The following PDGFD variants were observed in gnomAD, a reference collection of about 807,000 sequenced individuals.
The protein encoded by PDGFD is platelet-derived growth factor D.
In PDGFD, 30 loss-of-function variants were observed where a neutral mutation model predicts 44.7. That is an observed-to-expected ratio of 0.67 (90% CI 0.50 to 0.91). PDGFD has a LOEUF of 0.91. PDGFD is among the 40% of genes least tolerant of loss of function. PDGFD has a pLI of 0.00. For synonymous variants in PDGFD, 173 were observed against 168.4 expected (o/e 1.03, Z -0.21); for missense variants, 445 against 457.8 (o/e 0.97, Z 0.25).
At chr11:103,954,947 G>T (rs1238264472) in intron 3 of PDGFD, among the ~76,000 whole-genome samples, 2 of 151,482 alleles carry the variant, frequency 1.3e-5, no homozygotes, top group Admixed American at 1.3e-4. Flanking sequence ...GGCGGATCAC[G>T]AGGTCAGGAG....
chr11:104,080,634 G>A lies in PDGFD; in HGVS notation c.125-80379C>T, dbSNP rs138405656. 1.6e-4 allele frequency among the ~76,000 whole-genome samples: 25 copies of A among 152,248 alleles called. No individual in the cohort carries two copies. The East Asian group carries it at 3.7e-3, about 22-fold the overall frequency. On this transcript the variant is annotated intron_variant, in intron 1 of 6. Transcript: ENST00000393158. The stretch of plus-strand genomic sequence containing the variant: ...GAGGAGCCACCATCCATTGTGTGCC[G>A]CCATCATGATCCTTGCTTACTTCTG...
intron 1 of PDGFD, among the ~76,000 whole-genome samples, chr11:104,134,328 A>G (rs1304948234): frequency 6.6e-6 from 1 of 152,182 alleles, no homozygotes; most frequent in East Asian, 1.9e-4. Context: ...GTCTCTAGAA[A>G]AGTACTTCCC....
At chr11:104,162,721 G>T (rs1219952975) in intron 1 of PDGFD, among the ~76,000 whole-genome samples, 1 of 152,078 alleles carries the variant, frequency 6.6e-6, no homozygotes, top group Non-Finnish European at 1.5e-5. Context: ...GACATACCAA[G>T]AAAGAAACTG....
intron 1 of PDGFD, chr11:104,037,387 G>C: frequency 1.9e-6 from 3 of 1,614,122 alleles, no homozygotes; most frequent in Non-Finnish European, 2.5e-6. Flanking sequence ...GCAGCAAAGG[G>C]AAAAGGCCTT....
At chr11:104,148,060 T>C (rs374253379) in intron 1 of PDGFD, among the ~76,000 whole-genome samples, 1 of 152,202 alleles carries the variant, frequency 6.6e-6, no homozygotes, top group Non-Finnish European at 1.5e-5. Flanking sequence ...TTTTCAAACA[T>C]CAGAAATTTT....
rs1565280172 is a variant in PDGFD at position 103,907,418 on chromosome 11, A to G, written c.*2276T>C. 6.6e-6 allele frequency: 1 copy of G among 152,196 alleles called. No homozygotes were observed. The allele number at this position is 152,196 out of a possible 1,614,324, so 9.4% of individuals were successfully genotyped here. A position where few individuals can be genotyped will look rare whatever the true frequency, so the allele number is the denominator to read the frequency against. ...TTTATTAGGGTTTGTTTTGAAATGTAATTTGTACGGCCAGCTTTTTATTCC... is the reference window on the plus strand; with the variant it reads ...TTTATTAGGGTTTGTTTTGAAATGTGATTTGTACGGCCAGCTTTTTATTCC... On this transcript the variant is annotated 3_prime_UTR_variant, in exon 7 of 7. Coordinates refer to ENST00000393158, the MANE Select transcript of PDGFD (RefSeq NM_025208.5).
chr11:104,029,943 A>T (rs1860099266), intron 1 of PDGFD, among the ~76,000 whole-genome samples: 1 of 152,212 alleles, frequency 6.6e-6, no homozygotes, highest in Non-Finnish European at 1.5e-5. Context: ...CTGACGTCCA[A>T]AAAGCTCAAA....
chr11:104,152,847 T>C (rs2119910651), intron 1 of PDGFD, among the ~76,000 whole-genome samples: 1 of 152,288 alleles, frequency 6.6e-6, no homozygotes, highest in African/African-American at 2.4e-5. Context: ...CCACTGTTCA[T>C]AATAGATATT....
intron 1 of PDGFD, among the ~76,000 whole-genome samples, chr11:104,044,298 G>T (rs1224773488): frequency 1.3e-5 from 2 of 152,134 alleles, no homozygotes; most frequent in Non-Finnish European, 2.9e-5. Flanking sequence ...CATAAGTTTA[G>T]TGCTAGTATC....
chr11:104,022,451 T>C (rs1190933300), intron 1 of PDGFD, among the ~76,000 whole-genome samples: 1 of 152,140 alleles, frequency 6.6e-6, no homozygotes, highest in Non-Finnish European at 1.5e-5. Context: ...AATTATTGTT[T>C]GGAAGTATGA....
At chr11:103,959,226 G>C (rs1858900481) in intron 3 of PDGFD, among the ~76,000 whole-genome samples, 1 of 152,172 alleles carries the variant, frequency 6.6e-6, no homozygotes, top group Non-Finnish European at 1.5e-5. Context: ...CTGGACCAGT[G>C]TTCATTCATC....
At position 104,023,166 on chromosome 11, in the gene PDGFD, C is replaced by T. The variant is rs556156311; in HGVS notation, c.125-22911G>A. On this transcript the variant is annotated intron_variant, in intron 1 of 6. Coordinates refer to ENST00000393158, the MANE Select transcript of PDGFD (RefSeq NM_025208.5). ...CTGCTATAACTATGACCTTGAGTAT[C>T]TCCTCAAAAAACATATAATTAAATA... 3.9e-5 allele frequency among the ~76,000 whole-genome samples: 6 copies of T among 152,148 alleles called. No homozygotes were observed. The East Asian group carries it at 9.6e-4, about 24-fold the overall frequency.
At chr11:104,060,507 C>T (rs1353198426) in intron 1 of PDGFD, among the ~76,000 whole-genome samples, 1 of 152,112 alleles carries the variant, frequency 6.6e-6, no homozygotes, top group Non-Finnish European at 1.5e-5. Flanking sequence ...GAAAGGCTGC[C>T]CCTGGGTTGC....
At chr11:103,975,065 C>T (rs568158938) in intron 3 of PDGFD, among the ~76,000 whole-genome samples, 4 of 152,136 alleles carry the variant, frequency 2.6e-5, no homozygotes, top group East Asian at 1.9e-4. Flanking sequence ...CTTGAGGAAT[C>T]GCCACACTGT....
chr11:103,992,019 T>C (rs1213043102), intron 3 of PDGFD, among the ~76,000 whole-genome samples: 2 of 152,176 alleles, frequency 1.3e-5, no homozygotes, highest in Admixed American at 1.3e-4. Flanking sequence ...CATCCAACCA[T>C]TCATTTGTTC....
intron 1 of PDGFD, among the ~76,000 whole-genome samples, chr11:104,030,776 A>G (rs1591128752): frequency 6.6e-6 from 1 of 152,150 alleles, no homozygotes; most frequent in African/African-American, 2.4e-5. Context: ...AGACAGGTAC[A>G]CTATAATCAT....
At chr11:104,144,654 T>C (rs1862138498) in intron 1 of PDGFD, among the ~76,000 whole-genome samples, 1 of 152,084 alleles carries the variant, frequency 6.6e-6, no homozygotes, top group Non-Finnish European at 1.5e-5. Context: ...TTATCACCAA[T>C]CTTACTGAAG....
intron 3 of PDGFD, among the ~76,000 whole-genome samples, chr11:103,982,532 C>T (rs1859287046): frequency 6.6e-6 from 1 of 151,716 alleles, no homozygotes; most frequent in Non-Finnish European, 1.5e-5. Context: ...TCTCTCATCA[C>T]TCCGATTCAA....
chr11:103,940,809 G>A (rs1858572007), intron 5 of PDGFD, among the ~76,000 whole-genome samples: 1 of 152,094 alleles, frequency 6.6e-6, no homozygotes. Context: ...TTTTAAACAA[G>A]AGATTAAGAA....
Sources: allele counts gnomAD v4.1 joint callset (sites outside exome capture counted in the v4.1 genomes callset), GRCh38; gene constraint gnomAD v4.1.1; transcripts MANE v1.5; gene names NCBI Gene and HGNC (gene_info 2026-07-23, HGNC 2026-07-21).